LRRC1: variants seen among roughly 807,000 people sequenced by gnomAD.
LRRC1 encodes leucine rich repeat containing 1.
LRRC1 carries 28 observed loss-of-function variants against 69.9 expected under a neutral mutation model. The observed-to-expected ratio is 0.40, with a 90% confidence interval of 0.30 to 0.55. The LOEUF (loss-of-function observed/expected upper bound fraction) is 0.55. Among genes scored for constraint, LRRC1 ranks in the 20% least tolerant of loss-of-function variants. The probability of loss-of-function intolerance (pLI) is 0.47; values close to 1 mark genes in which losing one functional copy is unlikely to be tolerated. For synonymous variants in LRRC1, 236 were observed against 240.2 expected (o/e 0.98, Z 0.16); for missense variants, 498 against 609.0 (o/e 0.82, Z 1.92).
Position 53,897,276 on chromosome 6 carries a change from T to C in LRRC1, c.568-9T>C. 6.3e-7 allele frequency: 1 copy of C among 1,594,590 alleles called. No homozygotes were observed. Among genetic ancestry groups the C allele is most frequent in the Non-Finnish European group, 8.6e-7 (1 of 1,168,472 alleles). The stretch of plus-strand genomic sequence containing the variant: ...TTTGTTACCGTAACTTTTTTTTCTT[T>C]TGTTTTAGCCAGAATCAATTGGAGC... On this transcript the variant is annotated splice_polypyrimidine_tract_variant and intron_variant, in intron 6 of 13. Transcript: ENST00000370888.
intron 11 of LRRC1, among the ~76,000 whole-genome samples, chr6:53,916,165 C>T (rs1768558877): frequency 6.6e-6 from 1 of 152,102 alleles, no homozygotes; most frequent in Admixed American, 6.5e-5. Context: ...CACAAAATTC[C>T]TTAATACTTA....
chr6:53,921,459 CT>C (rs2127443654), intron 13 of LRRC1, among the ~76,000 whole-genome samples: 1 of 152,308 alleles, frequency 6.6e-6, no homozygotes, highest in Non-Finnish European at 1.5e-5. Context: ...TCTGTGCCTT[CT>C]TCATGTAACC....
chr6:53,822,165 G>T (rs1765135445), intron 1 of LRRC1, among the ~76,000 whole-genome samples: 1 of 152,156 alleles, frequency 6.6e-6, no homozygotes, highest in African/African-American at 2.4e-5. Context: ...ACAGATCCTT[G>T]ACAAGAAGAA....
At chr6:53,882,831 A>T (rs953090492) in intron 3 of LRRC1, 56 bp from the exon 4 acceptor site, 16 of 1,036,202 alleles carry the variant, frequency 1.5e-5, no homozygotes, top group Non-Finnish European at 2.4e-5. Flanking sequence ...TGCTTGGTAT[A>T]CACTATACAT....
intron 8 of LRRC1, among the ~76,000 whole-genome samples, 162 bp downstream of exon 8, chr6:53,900,053 T>TTTTTTTTTTTTTTC (rs1768007874): frequency 8.6e-6 from 1 of 116,832 alleles, no homozygotes; most frequent in African/African-American, 3.6e-5. Flanking sequence ...TTTTTTTTTT[T>TTTTTTTTTTTTTTC]CTGAGATGGA....
chr6:53,816,738 G>A (rs1305652753), intron 1 of LRRC1, among the ~76,000 whole-genome samples: 1 of 152,168 alleles, frequency 6.6e-6, no homozygotes, highest in African/African-American at 2.4e-5. Context: ...CAGAGGGAAG[G>A]ATAAAAAATG....
intron 11 of LRRC1, among the ~76,000 whole-genome samples, chr6:53,916,816 G>A (rs1768578639): frequency 6.6e-6 from 1 of 152,190 alleles, no homozygotes; most frequent in Non-Finnish European, 1.5e-5. Flanking sequence ...TTAAATTTGA[G>A]AAAGCAGTTG....
At chr6:53,861,779 A>G (rs1181924974) in intron 2 of LRRC1, among the ~76,000 whole-genome samples, 1 of 151,920 alleles carries the variant, frequency 6.6e-6, no homozygotes, top group Non-Finnish European at 1.5e-5. Context: ...TTGGGTCTGA[A>G]TGACTCATTC....
At chr6:53,821,173 C>T (rs1291618518) in intron 1 of LRRC1, among the ~76,000 whole-genome samples, 1 of 152,202 alleles carries the variant, frequency 6.6e-6, no homozygotes, top group African/African-American at 2.4e-5. Context: ...AGCATTTGCG[C>T]TAATGCTGTA....
chr6:53,913,796 T>C, intron 10 of LRRC1, 58 bp from the exon 11 acceptor site: 1 of 1,126,400 alleles, frequency 8.9e-7, no homozygotes, highest in Non-Finnish European at 1.3e-6. Flanking sequence ...GGTACTCTGA[T>C]CCTACTCCAT....
intron 1 of LRRC1, among the ~76,000 whole-genome samples, chr6:53,819,517 A>T (rs895221977): frequency 5.0e-4 from 76 of 152,140 alleles, no homozygotes; most frequent in African/African-American, 1.8e-3. Flanking sequence ...TAGTCTTGGA[A>T]TGAGGAGGTA....
Position 53,879,040 on chromosome 6 carries a change from G to T in LRRC1, c.325G>T (p.Val109Leu), listed in dbSNP as rs1466691806. ...ESISFCKALQ[V>L]ADFSGNPLTR... is the part of the protein sequence containing the mutation. ...CATTTCATTCTGTAAAGCACTGCAG[G>T]TAGCTGACTTCAGCGGAAACCCACT... The change falls in exon 3 of 14, where the codon GTA becomes TTA. Residue 109 changes from valine to leucine, a missense_variant. Physicochemically the swap from Val to Leu is conservative, Grantham distance 32. This residue lies in a region of LRRC1 where 266 missense variants were observed against 383.9 expected (regional missense o/e 0.69). Transcript: ENST00000370888. The T allele has an allele frequency of 6.2e-7, 1 of 1,613,260 alleles. No homozygotes were observed.
At chr6:53,837,194 T>C (rs559934471) in intron 1 of LRRC1, among the ~76,000 whole-genome samples, 1 of 91,976 alleles carries the variant, frequency 1.1e-5, no homozygotes, top group South Asian at 3.8e-4. Context: ...ATATATATAT[T>C]CTGGAAAAAA....
At chr6:53,800,409 G>A (rs763154285) in intron 1 of LRRC1, among the ~76,000 whole-genome samples, 7 of 151,392 alleles carry the variant, frequency 4.6e-5, no homozygotes, top group Non-Finnish European at 1.0e-4. Flanking sequence ...ACACCACCAC[G>A]CCCAGCTAAT....
chr6:53,891,027 T>A (rs1581902766), intron 4 of LRRC1, among the ~76,000 whole-genome samples: 2 of 152,344 alleles, frequency 1.3e-5, no homozygotes, highest in East Asian at 3.9e-4. Flanking sequence ...ATTCATCCAG[T>A]CACTGAAATA....
intron 4 of LRRC1, among the ~76,000 whole-genome samples, chr6:53,887,189 TA>T (rs1022720787): frequency 2.6e-5 from 4 of 151,088 alleles, no homozygotes; most frequent in Admixed American, 6.6e-5. Context: ...AAGCAACTAT[TA>T]AAAAAAAACA....
Position 53,893,105 on chromosome 6 carries a change from AC to A in LRRC1, c.447-3390del, listed in dbSNP as rs1767756566. Among the ~76,000 whole-genome samples, 3 of 152,292 alleles carry A rather than the reference AC, an allele frequency of 2.0e-5. No individual in the cohort carries two copies. The South Asian group carries it at 6.2e-4, about 32-fold the overall frequency. ...GCATCTTGTAGCAATCTTTCTGAAG[AC>A]CCTGACTCAAGGCACACACATTTGT... On this transcript the variant is annotated intron_variant, in intron 4 of 13. Transcript: ENST00000370888.
intron 1 of LRRC1, among the ~76,000 whole-genome samples, chr6:53,801,993 T>C (rs890564808): frequency 6.6e-6 from 1 of 152,226 alleles, no homozygotes; most frequent in Non-Finnish European, 1.5e-5. Flanking sequence ...AAAAACTTAC[T>C]TAAAAAGCTT....
intron 1 of LRRC1, among the ~76,000 whole-genome samples, chr6:53,804,379 TGTG>T (rs769404476): frequency 7.2e-5 from 11 of 152,216 alleles, no homozygotes; most frequent in Non-Finnish European, 1.5e-4. Context: ...ATTTATTATT[TGTG>T]GTGAAGACAT....
Sources: allele counts gnomAD v4.1 joint callset (sites outside exome capture counted in the v4.1 genomes callset), GRCh38; gene constraint gnomAD v4.1.1; regional missense constraint gnomAD v4.1.1; transcripts MANE v1.5; gene names NCBI Gene and HGNC (gene_info 2026-07-23, HGNC 2026-07-21).